CALB2: variants seen among roughly 807,000 people sequenced by gnomAD.
CALB2 encodes the protein calretinin.
In CALB2, 34 loss-of-function variants were observed where a neutral mutation model predicts 45.9. The observed-to-expected ratio is 0.74, with a 90% confidence interval of 0.56 to 0.99. The LOEUF (loss-of-function observed/expected upper bound fraction) is 0.99, where lower values mean the gene tolerates loss of function less well. Ranked by LOEUF, CALB2 falls within the 50% of genes least tolerant of loss-of-function variation. The pLI is 0.00. For missense variants in CALB2, 344 were observed against 339.3 expected (o/e 1.01, Z -0.11); for synonymous variants, 142 against 129.6 (o/e 1.10, Z -0.65).
At chr16:71,369,290 A>C (rs1239575103) in intron 1 of CALB2, among the ~76,000 whole-genome samples, 3 of 152,184 alleles carry the variant, frequency 2.0e-5, no homozygotes, top group Non-Finnish European at 2.9e-5. Context: ...TCACAGGAGA[A>C]GAAACTGAGG....
rs373927677 is a variant in CALB2, at chr16:71,384,078, G to T, written c.533+53G>T. The T allele has an allele frequency of 3.8e-6, 6 of 1,570,820 alleles. No individual in the cohort carries two copies. In the Admixed American group the frequency reaches 8.3e-5, roughly 22 times the overall value. On this transcript the variant is annotated intron_variant, in intron 7 of 10. Coordinates refer to ENST00000302628, the MANE Select transcript of CALB2 (RefSeq NM_001740.5). ...ATACTGGCTCCCACAGGTCATTCCT[G>T]TGTTATCCGTCTCTGAGATCCATTG...
chr16:71,382,092 G>T (rs796144205), intron 4 of CALB2, among the ~76,000 whole-genome samples: 3 of 92,992 alleles, frequency 3.2e-5, no homozygotes, highest in Non-Finnish European at 7.6e-5. Flanking sequence ...GAAAGAAAGA[G>T]AAAGGAAGGA....
rs548681205 is a variant in CALB2 at position 71,381,159 on chromosome 16, C to G, written c.343-1560C>G. ...GGTGTCTTCCTCTTCTCAGTAAAGA[C>G]TCAACTTAGACAAACTAAACTGTAA... On this transcript the variant is annotated intron_variant, in intron 4 of 10. Transcript: ENST00000302628. 3.3e-5 allele frequency among the ~76,000 whole-genome samples: 5 copies of G among 152,338 alleles called. No homozygotes were observed. The South Asian group carries it at 1.0e-3, about 32-fold the overall frequency.
At chr16:71,369,850 C>T (rs1169864726) in intron 1 of CALB2, among the ~76,000 whole-genome samples, 1 of 152,178 alleles carries the variant, frequency 6.6e-6, no homozygotes, top group Non-Finnish European at 1.5e-5. Context: ...AGCCAGATCG[C>T]TGCAGGGAGT....
chr16:71,379,860 G>A, intron 4 of CALB2, among the ~76,000 whole-genome samples: 1 of 152,184 alleles, frequency 6.6e-6, no homozygotes, highest in Non-Finnish European at 1.5e-5. Context: ...GAGCATCAGA[G>A]ATGGATTTAA....
Position 71,366,022 on chromosome 16 carries a change from C to CTTTTTTTTTTTTTT in CALB2, c.95-6130_95-6129insTTTTTTTTTTTTTT, listed in dbSNP as rs1447467571. 2.1e-3 allele frequency among the ~76,000 whole-genome samples: 106 copies of CTTTTTTTTTTTTTT among 50,508 alleles called. 21 individuals are homozygous for CTTTTTTTTTTTTTT. Among genetic ancestry groups the CTTTTTTTTTTTTTT allele is most frequent in the Non-Finnish European group, 3.0e-3 (87 of 29,254 alleles). 33.1% of individuals were successfully genotyped at this position (50,508 alleles called of 152,430 possible). A position where few individuals can be genotyped will look rare whatever the true frequency, so the allele number is the denominator to read the frequency against. On this transcript the variant is annotated intron_variant, in intron 1 of 10. Coordinates refer to ENST00000302628, the MANE Select transcript of CALB2 (RefSeq NM_001740.5). Reference sequence around the variant, plus strand: ...TTTCTTTGTTTTCTTCCCTCTCTCTCTCTTTTTTTTTTTTTTTTTTTTGAG... The same window carrying CTTTTTTTTTTTTTT: ...TTTCTTTGTTTTCTTCCCTCTCTCTCTTTTTTTTTTTTTTTCTTTTTTTTTTTTTTTTTTTTGAG...
At chr16:71,386,997 C>T (rs1387770695) in intron 10 of CALB2, among the ~76,000 whole-genome samples, 2 of 152,102 alleles carry the variant, frequency 1.3e-5, no homozygotes, top group Non-Finnish European at 2.9e-5. Flanking sequence ...GCACTAAATT[C>T]TAGGAGAAAA....
chr16:71,385,277 A>G (rs1348573324), intron 9 of CALB2: 2 of 370,518 alleles, frequency 5.4e-6, no homozygotes, highest in Non-Finnish European at 9.8e-6. Context: ...TGTTGGAGGT[A>G]AACTTTAAAT....
chr16:71,389,672 T>C (rs892423820), intron 10 of CALB2, 77 bp from the exon 11 acceptor site: 19 of 972,856 alleles, frequency 2.0e-5, no homozygotes, highest in Non-Finnish European at 2.7e-5. Context: ...GTGTTTGTGT[T>C]TGTGAATGTG....
chr16:71,370,435 G>A (rs1349404135), intron 1 of CALB2, among the ~76,000 whole-genome samples: 1 of 152,094 alleles, frequency 6.6e-6, no homozygotes. Flanking sequence ...TTGATGTTAG[G>A]TCAGTGGTTT....
intron 1 of CALB2, among the ~76,000 whole-genome samples, chr16:71,368,480 C>G (rs1323962973): frequency 6.6e-6 from 1 of 152,090 alleles, no homozygotes; most frequent in African/African-American, 2.4e-5. Flanking sequence ...TGCACTCCAA[C>G]CTGAGTGACA....
rs28435976 is a variant in CALB2, at chr16:71,382,161, T to A, written c.343-558T>A. Among the ~76,000 whole-genome samples the A allele has an allele frequency of 1.6e-3, 198 of 125,888 alleles. No individual in the cohort carries two copies. In the Middle Eastern group the frequency reaches 0.023, roughly 14 times the overall value. 82.6% of individuals were successfully genotyped at this position (125,888 alleles called of 152,430 possible). ...GAAAGAAGGAAGGAAGGAAAGAAAA[T>A]AAAGGAAGGAAGGAACGAAAGAAAA... is the stretch of plus-strand genomic sequence containing the variant. On this transcript the variant is annotated intron_variant, in intron 4 of 10. Coordinates refer to ENST00000302628, the MANE Select transcript of CALB2 (RefSeq NM_001740.5).
At chr16:71,374,505 G>C (rs2042388057) in intron 2 of CALB2, among the ~76,000 whole-genome samples, 1 of 152,150 alleles carries the variant, frequency 6.6e-6, no homozygotes, top group Non-Finnish European at 1.5e-5. Context: ...TGATTACCTG[G>C]TATGGAGCAT....
At chr16:71,388,619 A>C (rs1001168078) in intron 10 of CALB2, among the ~76,000 whole-genome samples, 2 of 152,132 alleles carry the variant, frequency 1.3e-5, no homozygotes, top group Non-Finnish European at 2.9e-5. Flanking sequence ...CCCTGAACAC[A>C]AGAAGCCAGT....
chr16:71,371,038 G>T (rs2042344938), intron 1 of CALB2, among the ~76,000 whole-genome samples: 1 of 152,196 alleles, frequency 6.6e-6, no homozygotes, highest in Non-Finnish European at 1.5e-5. Context: ...TTCTGGTAAT[G>T]GAACTCAGTA....
chr16:71,376,057 T>A (rs905060016), intron 3 of CALB2, among the ~76,000 whole-genome samples: 1 of 152,202 alleles, frequency 6.6e-6, no homozygotes, highest in African/African-American at 2.4e-5. Context: ...GAATGGCCAC[T>A]ATAGATGCCC....
intron 1 of CALB2, among the ~76,000 whole-genome samples, chr16:71,369,995 C>T (rs2042329397): frequency 6.6e-6 from 1 of 152,202 alleles, no homozygotes; most frequent in Admixed American, 6.5e-5. Flanking sequence ...CCACACTCTT[C>T]TGAAATTCCA....
At chr16:71,376,812 C>T (rs1431154919) in intron 3 of CALB2, among the ~76,000 whole-genome samples, 1 of 152,242 alleles carries the variant, frequency 6.6e-6, no homozygotes, top group East Asian at 1.9e-4. Flanking sequence ...CAAACATCCA[C>T]ATACAACCAC....
chr16:71,366,018 CTCTCTCTTTT>C (rs1567534806), intron 1 of CALB2, among the ~76,000 whole-genome samples: 1 of 28,744 alleles, frequency 3.5e-5, no homozygotes, highest in Non-Finnish European at 7.0e-5. Flanking sequence ...TCTTCCCTCT[CTCTCTCTTTT>C]TTTTTTTTTT....
Sources: allele counts gnomAD v4.1 joint callset (sites outside exome capture counted in the v4.1 genomes callset), GRCh38; gene constraint gnomAD v4.1.1; transcripts MANE v1.5; gene names NCBI Gene and HGNC (gene_info 2026-07-23, HGNC 2026-07-21).